The following CPXM2 variants were observed in gnomAD, a reference collection of about 807,000 sequenced individuals.
CPXM2 encodes inactive carboxypeptidase-like protein X2.
A neutral mutation model predicts 86.1 loss-of-function variants in CPXM2; 66 were observed. The ratio of observed to expected loss-of-function variants is 0.77; its 90% CI spans 0.63 to 0.94. The LOEUF (loss-of-function observed/expected upper bound fraction) is 0.94, where lower values mean the gene tolerates loss of function less well. CPXM2 is among the 40% of genes least tolerant of loss of function. The pLI is 0.00. For synonymous variants in CPXM2, 388 were observed against 400.2 expected, an observed-to-expected ratio of 0.97 and a Z score of 0.36; for missense variants, 948 against 1,026.3, an observed-to-expected ratio of 0.92 and a Z score of 1.04.
intron 6 of CPXM2, among the ~76,000 whole-genome samples, chr10:123,795,653 C>T (rs1847320221): frequency 6.6e-6 from 1 of 151,988 alleles, no homozygotes; most frequent in South Asian, 2.1e-4. Flanking sequence ...CATCAGGCAG[C>T]ATGCGTGAAC....
At chr10:123,815,412 G>A (rs1185616544) in intron 4 of CPXM2, among the ~76,000 whole-genome samples, 1 of 152,198 alleles carries the variant, frequency 6.6e-6, no homozygotes, top group Non-Finnish European at 1.5e-5. Context: ...TAAAGTGAGG[G>A]CATTCATTGG....
intron 2 of CPXM2, among the ~76,000 whole-genome samples, chr10:123,866,627 G>C (rs1040013519): frequency 1.3e-5 from 2 of 152,184 alleles, no homozygotes; most frequent in African/African-American, 4.8e-5. Flanking sequence ...CTGTTGACGT[G>C]GCAGGCAGGC....
chr10:123,750,218 G>A, intron 13 of CPXM2: 1 of 985,386 alleles, frequency 1.0e-6, no homozygotes. Context: ...TTTTTGAGGA[G>A]AAATAGACAA....
intron 2 of CPXM2, among the ~76,000 whole-genome samples, chr10:123,915,611 G>T (rs7092314): frequency 0.35 from 53,348 of 151,880 alleles, 9,751 homozygotes; most frequent in Middle Eastern, 0.55. Flanking sequence ...TCAGCTATCT[G>T]CTGAGCCCTT....
In CPXM2 at chr10:123,820,923, G is replaced by A. The variant is rs968408754; in HGVS notation, c.653+21426C>T. ...TTAACTGAATCACATCTAAAAAGTC[G>A]CTTTTGCCATGTAAGGTGACATATT... On this transcript the variant is annotated intron_variant, in intron 4 of 13. Coordinates refer to ENST00000241305, the MANE Select transcript of CPXM2 (RefSeq NM_198148.3). Among the ~76,000 whole-genome samples the A allele has an allele frequency of 3.3e-5, 5 of 152,120 alleles. No individual in the cohort carries two copies. In the East Asian group the frequency reaches 5.8e-4, roughly 18 times the overall value.
At position 123,854,427 on chromosome 10, in the gene CPXM2, T is replaced by C. The variant is rs545467616; in HGVS notation, c.513+8187A>G. 8.8e-4 allele frequency among the ~76,000 whole-genome samples: 104 copies of C among 118,710 alleles called. 2 individuals are homozygous for C. The South Asian group carries it at 0.017, about 20-fold the overall frequency. The allele number at this position is 118,710 out of a possible 152,430, so 77.9% of individuals were successfully genotyped here. On this transcript the variant is annotated intron_variant, in intron 3 of 13. Coordinates refer to ENST00000241305, the MANE Select transcript of CPXM2 (RefSeq NM_198148.3). Reference sequence around the variant, plus strand: ...TATATTATATATAAAATATATAATATATATATAATATACTTTTATATATAA... The same window carrying C: ...TATATTATATATAAAATATATAATACATATATAATATACTTTTATATATAA...
At chr10:123,913,112 T>G (rs576936117) in intron 2 of CPXM2, among the ~76,000 whole-genome samples, 3 of 152,118 alleles carry the variant, frequency 2.0e-5, no homozygotes, top group Non-Finnish European at 4.4e-5. Context: ...GATTAATGAG[T>G]GTGGAGTTTG....
Position 123,768,717 on chromosome 10 carries a change from G to A in CPXM2, c.1108C>T (p.Pro370Ser). The change falls in exon 9 of 14, where the codon CCC becomes TCC. Residue 370 changes from proline (P) to serine (S), a missense_variant. Physicochemically the swap from Pro to Ser is moderately conservative, Grantham distance 74 (BLOSUM62 -1). Coordinates refer to ENST00000241305, the MANE Select transcript of CPXM2 (RefSeq NM_198148.3). ...GCCCCCGCGATGTAGTGGAACTCGG[G>A]CTCACCTTTACTCAAAGACAGAGAG... ...DHPGEHEVGE[P>S]EFHYIAGAHG... 1 of 1,607,948 alleles carries A rather than the reference G, an allele frequency of 6.2e-7. No homozygotes were observed. Among genetic ancestry groups the A allele is most frequent in the Non-Finnish European group, 8.5e-7 (1 of 1,179,764 alleles).
intron 4 of CPXM2, among the ~76,000 whole-genome samples, chr10:123,806,722 C>T (rs1241524449): frequency 1.3e-5 from 2 of 152,186 alleles, no homozygotes; most frequent in East Asian, 3.9e-4. Flanking sequence ...GGGAACAAGG[C>T]ACATCTTACG....
chr10:123,929,893 G>A (rs557228496), intron 2 of CPXM2, among the ~76,000 whole-genome samples: 9 of 152,256 alleles, frequency 5.9e-5, no homozygotes, highest in Admixed American at 4.6e-4. Context: ...TCCAACCACC[G>A]GGTCATGCTT....
At chr10:123,935,763 A>C (rs1297178999) in intron 2 of CPXM2, among the ~76,000 whole-genome samples, 1 of 152,078 alleles carries the variant, frequency 6.6e-6, no homozygotes, top group Non-Finnish European at 1.5e-5. Flanking sequence ...CATCACCATC[A>C]CCATCATAAC....
chr10:123,815,453 G>A (rs1169164586), intron 4 of CPXM2, among the ~76,000 whole-genome samples: 1 of 152,202 alleles, frequency 6.6e-6, no homozygotes, highest in Non-Finnish European at 1.5e-5. Flanking sequence ...CTTGGAATGG[G>A]ACGTTTTGGA....
chr10:123,846,741 A>C (rs1295323163), intron 3 of CPXM2, among the ~76,000 whole-genome samples: 1 of 152,254 alleles, frequency 6.6e-6, no homozygotes, highest in African/African-American at 2.4e-5. Flanking sequence ...CCCAGAGAGT[A>C]GCCCATTCAG....
intron 2 of CPXM2, among the ~76,000 whole-genome samples, chr10:123,870,289 T>C (rs1944870425): frequency 6.6e-6 from 1 of 152,164 alleles, no homozygotes; most frequent in Non-Finnish European, 1.5e-5. Flanking sequence ...AGTTGCTTGA[T>C]GGTGTTTGGG....
chr10:123,867,882 T>A (rs1944821857), intron 2 of CPXM2, among the ~76,000 whole-genome samples: 1 of 152,134 alleles, frequency 6.6e-6, no homozygotes, highest in South Asian at 2.1e-4. Flanking sequence ...ATGAATAAAG[T>A]GACCTGCTCC....
chr10:123,851,920 G>A (rs1455733896), intron 3 of CPXM2, among the ~76,000 whole-genome samples: 1 of 152,082 alleles, frequency 6.6e-6, no homozygotes, highest in Non-Finnish European at 1.5e-5. Flanking sequence ...ATGATGTAGA[G>A]GCTCACTGGA....
intron 2 of CPXM2, among the ~76,000 whole-genome samples, chr10:123,898,206 T>C (rs867868508): frequency 6.6e-5 from 10 of 152,100 alleles, no homozygotes; most frequent in Non-Finnish European, 1.0e-4. Flanking sequence ...TAGAAAAATA[T>C]AAAATGCTAC....
rs117087061 is a variant in CPXM2, at chr10:123,750,835, G to A, written c.2018-3818C>T. 9.3e-3 allele frequency: 9,203 copies of A among 985,424 alleles called. 44 individuals carry two copies. The highest frequency in any genetic ancestry group is 0.01 in the Non-Finnish European group (8,590 of 829,924). The allele number at this position is 985,424 out of a possible 1,614,324, so 61.0% of individuals were successfully genotyped here. A position where few individuals can be genotyped will look rare whatever the true frequency, so the allele number is the denominator to read the frequency against. ...TCTGCCTGATGCCCTCATTGGCCTG[G>A]CAGGGCACGCTGTCCTCAGTTCTTG... On this transcript the variant is annotated intron_variant, in intron 13 of 13. Coordinates refer to ENST00000241305, the MANE Select transcript of CPXM2 (RefSeq NM_198148.3).
Position 123,928,081 on chromosome 10 carries a change from C to A in CPXM2, n.174+11396G>T, listed in dbSNP as rs191225523. Among the ~76,000 whole-genome samples, 223 of 152,330 alleles carry A rather than the reference C, an allele frequency of 1.5e-3. 1 individual carries two copies. Among genetic ancestry groups the A allele is most frequent in the African/African-American group, 4.6e-3 (192 of 41,576 alleles). On this transcript the variant is annotated intron_variant and non_coding_transcript_variant, in intron 2 of 19. Coordinates refer to the CPXM2 transcript ENST00000368854. ...AAACCTCCTGGCTGGGGCACCCACT[C>A]CCCTCCACCACCATGTACTCCTATC...
Sources: gnomAD v4.1 joint callset for allele counts (sites outside exome capture counted in the v4.1 genomes callset) on GRCh38, gnomAD v4.1.1 for gene constraint, MANE v1.5 for transcripts, NCBI Gene and HGNC (gene_info 2026-07-23, HGNC 2026-07-21) for gene names.